CTIF: variants seen among roughly 807,000 people sequenced by gnomAD.
CTIF encodes CBP80/20-dependent translation initiation factor.
CTIF carries 21 observed loss-of-function variants against 66.0 expected under a neutral mutation model. That is an observed-to-expected ratio of 0.32 (90% CI 0.23 to 0.46). The LOEUF is 0.46. Ranked by LOEUF, CTIF falls within the 20% of genes least tolerant of loss-of-function variation. The pLI, the probability that CTIF is intolerant of heterozygous loss-of-function variation, is 1.00. For synonymous variants in CTIF, 345 were observed against 326.4 expected (o/e 1.06, Z -0.62); for missense variants, 739 against 812.7 (o/e 0.91, Z 1.10).
At chr18:48,722,960 T>C (rs1016677923) in intron 7 of CTIF, among the ~76,000 whole-genome samples, 12 of 152,238 alleles carry the variant, frequency 7.9e-5, no homozygotes, top group Non-Finnish European at 1.8e-4. Flanking sequence ...TCACAAGCAC[T>C]TCCAGAGCAC....
intron 10 of CTIF, among the ~76,000 whole-genome samples, chr18:48,845,959 G>A (rs965182462): frequency 1.1e-4 from 16 of 152,116 alleles, no homozygotes; most frequent in African/African-American, 3.4e-4. Context: ...ACCTTCTAAC[G>A]GTCCCCCTGC....
intron 7 of CTIF, among the ~76,000 whole-genome samples, chr18:48,738,374 A>G (rs1265009069): frequency 6.6e-6 from 1 of 152,156 alleles, no homozygotes; most frequent in East Asian, 1.9e-4. Context: ...TCATCCAGAT[A>G]AGGGCCAAAG....
chr18:48,709,377 C>T (rs1361703007), intron 6 of CTIF, among the ~76,000 whole-genome samples: 10 of 152,262 alleles, frequency 6.6e-5, no homozygotes. Context: ...CATTGAGCCA[C>T]ACTGAGTCTT....
intron 9 of CTIF, among the ~76,000 whole-genome samples, chr18:48,802,780 G>A (rs141369953): frequency 2.6e-5 from 4 of 152,316 alleles, no homozygotes; most frequent in Admixed American, 2.6e-4. Context: ...GCCCCCTCAC[G>A]CCCCTTGACC....
chr18:48,758,946 G>GCT (rs796222076), intron 8 of CTIF, among the ~76,000 whole-genome samples: 38 of 152,272 alleles, frequency 2.5e-4, no homozygotes, highest in Middle Eastern at 3.4e-3. Flanking sequence ...GCCAGGGAGT[G>GCT]CTCTACAGTG....
chr18:48,593,369 A>G (rs2089926491), intron 1 of CTIF, among the ~76,000 whole-genome samples: 1 of 151,886 alleles, frequency 6.6e-6, no homozygotes, highest in Non-Finnish European at 1.5e-5. Context: ...ATATGTAACT[A>G]GAAATCTTTT....
At chr18:48,780,353 C>A (rs1190623339) in intron 9 of CTIF, among the ~76,000 whole-genome samples, 1 of 152,118 alleles carries the variant, frequency 6.6e-6, no homozygotes, top group African/African-American at 2.4e-5. Context: ...CCTTGTAAAT[C>A]GCTTTCTTCA....
chr18:48,816,872 G>A (rs2068374772), intron 9 of CTIF, among the ~76,000 whole-genome samples: 1 of 152,208 alleles, frequency 6.6e-6, no homozygotes, highest in South Asian at 2.1e-4. Context: ...AGGGAGTTAA[G>A]TGGAAAAGTG....
intron 8 of CTIF, chr18:48,760,641 A>G (rs1232093998): frequency 2.0e-5 from 3 of 152,240 alleles, no homozygotes; most frequent in African/African-American, 7.2e-5. Context: ...TTGGCCACCA[A>G]GAATGAGTCA....
At chr18:48,740,450 G>A (rs952104912) in intron 7 of CTIF, among the ~76,000 whole-genome samples, 24 of 152,268 alleles carry the variant, frequency 1.6e-4, no homozygotes, top group African/African-American at 3.9e-4. Flanking sequence ...CTGGGCCTCC[G>A]TACTCTCTGA....
chr18:48,730,209 GT>G (rs2092426698), intron 7 of CTIF, among the ~76,000 whole-genome samples: 2 of 149,912 alleles, frequency 1.3e-5, no homozygotes, highest in Admixed American at 6.6e-5. Context: ...AGGGGCTCCT[GT>G]GGTGTGAGGA....
intron 1 of CTIF, chr18:48,567,634 T>G (rs1006201932): frequency 2.0e-5 from 3 of 152,254 alleles, no homozygotes; most frequent in African/African-American, 7.2e-5. Context: ...CAGAGAAGGC[T>G]TCCTGGAGGA....
intron 6 of CTIF, among the ~76,000 whole-genome samples, chr18:48,690,330 A>G (rs527422338): frequency 6.6e-6 from 1 of 152,160 alleles, no homozygotes; most frequent in South Asian, 2.1e-4. Context: ...GGTTTGGTTT[A>G]AATCCCCTAA....
At chr18:48,581,907 AGGGGAGGTCATATGGGCCAAAGC>A (rs2089665950) in intron 1 of CTIF, among the ~76,000 whole-genome samples, 1 of 152,084 alleles carries the variant, frequency 6.6e-6, no homozygotes, top group Non-Finnish European at 1.5e-5. Flanking sequence ...TTTCAGGGGA[AGGGGAGGTCATATGGGCCAAAGC>A]GGGGCAGACC....
At chr18:48,814,965 G>A (rs560933962) in intron 9 of CTIF, among the ~76,000 whole-genome samples, 1 of 152,302 alleles carries the variant, frequency 6.6e-6, no homozygotes, top group East Asian at 1.9e-4. Flanking sequence ...GGCCCATGAG[G>A]TCTGCAGGCA....
chr18:48,633,239 G>C (rs551674024), intron 2 of CTIF, among the ~76,000 whole-genome samples: 2 of 152,346 alleles, frequency 1.3e-5, no homozygotes, highest in Admixed American at 6.5e-5. Context: ...CCTCCAGCCA[G>C]TGGGCACTGT....
chr18:48,557,299 G>T (rs974611841), intron 1 of CTIF, among the ~76,000 whole-genome samples: 4 of 152,190 alleles, frequency 2.6e-5, no homozygotes, highest in African/African-American at 9.7e-5. Flanking sequence ...ACTCAGGCTG[G>T]TCATGAACCA....
Position 48,797,592 on chromosome 18 carries a change from G to A in CTIF, c.1372-19629G>A, listed in dbSNP as rs371657274. ...TGTGAGTTGACTGGGGATTTGCTGG[G>A]GAGACAGAGCCTTATCCTGATGGTG... On this transcript the variant is annotated intron_variant, in intron 9 of 11. Coordinates refer to ENST00000256413, the MANE Select transcript of CTIF (RefSeq NM_014772.3). Among the ~76,000 whole-genome samples, 50 of 152,050 alleles carry A rather than the reference G, an allele frequency of 3.3e-4. No individual in the cohort carries two copies. In the East Asian group the frequency reaches 7.7e-3, roughly 24 times the overall value.
intron 3 of CTIF, among the ~76,000 whole-genome samples, chr18:48,645,649 C>T (rs919592580): frequency 2.0e-5 from 3 of 152,188 alleles, no homozygotes; most frequent in African/African-American, 7.2e-5. Context: ...CTGACTTGCA[C>T]CCCCACTGGG....
Sources: gnomAD v4.1 joint callset for allele counts (sites outside exome capture counted in the v4.1 genomes callset) on GRCh38, gnomAD v4.1.1 for gene constraint, MANE v1.5 for transcripts, NCBI Gene and HGNC (gene_info 2026-07-23, HGNC 2026-07-21) for gene names.